Variants in MCU observed in about 807,000 individuals in gnomAD.
MCU encodes the protein mitochondrial calcium uniporter.
A neutral mutation model predicts 45.2 loss-of-function variants in MCU; 12 were observed. That is an observed-to-expected ratio of 0.27 (90% confidence interval 0.17 to 0.43). MCU has a LOEUF of 0.43. Among genes scored for constraint, MCU ranks in the 20% least tolerant of loss-of-function variants. The pLI, the probability that MCU is intolerant of heterozygous loss-of-function variation, is 1.00. For synonymous variants in MCU, 160 were observed against 165.1 expected (o/e 0.97, Z 0.24); for missense variants, 324 against 436.7 (o/e 0.74, Z 2.30).
chr10:72,759,992 G>C (rs190863503), intron 1 of MCU, among the ~76,000 whole-genome samples: 1 of 152,182 alleles, frequency 6.6e-6, no homozygotes, highest in East Asian at 1.9e-4. Flanking sequence ...TTGACAGCCT[G>C]AGCAGACTGA....
rs527849863 is a variant in MCU, at chr10:72,738,258, C to A, written c.150+45957C>A. Among the ~76,000 whole-genome samples the A allele has an allele frequency of 1.1e-3, 162 of 152,246 alleles. 1 individual carries two copies. Among genetic ancestry groups the A allele is most frequent in the African/African-American group, 3.7e-3 (155 of 41,546 alleles). ...CCTGGGGGCTCTGAGAAATTGCTCCCACTCTTTCTTCCTTACTTATATGTC... is the reference window on the plus strand; with the variant it reads ...CCTGGGGGCTCTGAGAAATTGCTCCAACTCTTTCTTCCTTACTTATATGTC... On this transcript the variant is annotated intron_variant, in intron 1 of 7. Transcript: ENST00000373053.
intron 1 of MCU, among the ~76,000 whole-genome samples, chr10:72,779,844 A>C (rs183064120): frequency 1.0e-3 from 157 of 152,360 alleles, no homozygotes; most frequent in Middle Eastern, 3.4e-3. Flanking sequence ...GTAAAATGGT[A>C]CAGCTACTTA....
At chr10:72,760,048 AT>A (rs34146931) in intron 1 of MCU, among the ~76,000 whole-genome samples, 102,053 of 146,714 alleles carry the variant, frequency 0.7, 36,386 homozygotes, top group African/African-American at 0.82. Flanking sequence ...AAAACTTTAA[AT>A]TTTTTTTTTT....
intron 1 of MCU, among the ~76,000 whole-genome samples, chr10:72,739,802 G>A (rs1291432486): frequency 2.0e-5 from 3 of 150,768 alleles, no homozygotes; most frequent in Non-Finnish European, 4.4e-5. Context: ...TTAGCCTCCC[G>A]AGTAGCTGGG....
In MCU at chr10:72,774,278, A is replaced by G. The variant is rs761759369; in HGVS notation, c.151-60081A>G. 2.6e-5 allele frequency among the ~76,000 whole-genome samples: 4 copies of G among 152,182 alleles called. No homozygotes were observed. The South Asian group carries it at 8.3e-4, about 32-fold the overall frequency. Reference sequence around the variant, plus strand: ...AATGTGGAGGAGATGGAGTTAAAGCATAGAATTCTTTTTTTGTTTTACCTT... The same window carrying G: ...AATGTGGAGGAGATGGAGTTAAAGCGTAGAATTCTTTTTTTGTTTTACCTT... On this transcript the variant is annotated intron_variant, in intron 1 of 7. Coordinates refer to ENST00000373053, the MANE Select transcript of MCU (RefSeq NM_138357.3).
intron 2 of MCU, among the ~76,000 whole-genome samples, chr10:72,843,537 A>G (rs114994370): frequency 1.3e-5 from 2 of 152,232 alleles, no homozygotes; most frequent in African/African-American, 4.8e-5. Context: ...GTGTACCACA[A>G]TTTGTCCACT....
In MCU at chr10:72,885,799, C is replaced by G; in HGVS notation, c.1033C>G (p.Arg345Gly). ...RDPLQVHLPL[R>G]QIGEKD The stretch of plus-strand genomic sequence containing the variant: ...CCCATTACAAGTACATCTGCCTCTC[C>G]GACAAATTGGTGAAAAAGATTGATC... The change falls in exon 8 of 8, where the codon CGA (arginine) becomes GGA (glycine). Residue 345 changes from arginine (R) to glycine (G), a missense_variant. Coordinates refer to ENST00000373053, the MANE Select transcript of MCU (RefSeq NM_138357.3). 6.2e-7 allele frequency: 1 copy of G among 1,613,552 alleles called. No individual in the cohort carries two copies. The highest frequency in any genetic ancestry group is 8.5e-7 in the Non-Finnish European group (1 of 1,179,642).
intron 1 of MCU, among the ~76,000 whole-genome samples, chr10:72,716,569 A>G (rs897104779): frequency 6.6e-6 from 1 of 151,882 alleles, no homozygotes; most frequent in African/African-American, 2.4e-5. Flanking sequence ...GTAGGATGTT[A>G]TTACTATTAT....
intron 1 of MCU, among the ~76,000 whole-genome samples, chr10:72,798,290 A>ATTTG (rs960339796): frequency 2.6e-5 from 4 of 151,908 alleles, no homozygotes; most frequent in Non-Finnish European, 2.9e-5. Context: ...GGTGCCCACT[A>ATTTG]TTTGTTTGTT....
chr10:72,856,334 T>G (rs1293558905), intron 2 of MCU, among the ~76,000 whole-genome samples: 1 of 152,218 alleles, frequency 6.6e-6, no homozygotes, highest in East Asian at 1.9e-4. Flanking sequence ...AGATTTCCAT[T>G]TTAAGTAAGA....
rs7093527 is a variant in MCU at position 72,777,461 on chromosome 10, C to T, written c.151-56898C>T. Among the ~76,000 whole-genome samples the T allele has an allele frequency of 6.5e-3, 990 of 152,228 alleles. 9 individuals are homozygous for T. The highest frequency in any genetic ancestry group is 0.023 in the African/African-American group (947 of 41,524). ...TACAATGGGGAAAGGACAGTCTTTC[C>T]AATAAATGGTACTGTGAAAACTAGA... On this transcript the variant is annotated intron_variant, in intron 1 of 7. Transcript: ENST00000373053.
intron 2 of MCU, among the ~76,000 whole-genome samples, chr10:72,856,470 G>A (rs1028272331): frequency 2.6e-5 from 4 of 152,040 alleles, no homozygotes; most frequent in African/African-American, 7.2e-5. Flanking sequence ...GAATAGACAA[G>A]GAAATAAGAT....
chr10:72,862,631 G>A (rs1235785850), intron 4 of MCU, among the ~76,000 whole-genome samples: 1 of 152,176 alleles, frequency 6.6e-6, no homozygotes, highest in Non-Finnish European at 1.5e-5. Context: ...GTGGAGCTCA[G>A]GCAGTAATGC....
intron 6 of MCU, among the ~76,000 whole-genome samples, chr10:72,874,174 G>A (rs1053886823): frequency 3.3e-5 from 5 of 152,170 alleles, no homozygotes; most frequent in African/African-American, 9.7e-5. Flanking sequence ...CATCAAATGT[G>A]TACATGGTTC....
chr10:72,880,553 A>G (rs1412099761), intron 6 of MCU, among the ~76,000 whole-genome samples: 2 of 152,226 alleles, frequency 1.3e-5, no homozygotes, highest in Admixed American at 1.3e-4. Flanking sequence ...GTTCTACTCA[A>G]CTGATCCATT....
intron 1 of MCU, among the ~76,000 whole-genome samples, chr10:72,754,539 C>T (rs934523324): frequency 6.6e-6 from 1 of 152,032 alleles, no homozygotes; most frequent in Non-Finnish European, 1.5e-5. Flanking sequence ...TTACTTGAGC[C>T]CAGGAGTTTG....
chr10:72,876,440 TA>T (rs1845617230), intron 6 of MCU, among the ~76,000 whole-genome samples: 1 of 152,212 alleles, frequency 6.6e-6, no homozygotes, highest in South Asian at 2.1e-4. Flanking sequence ...ATGTACTCTA[TA>T]AACTCCTAAT....
At chr10:72,735,435 G>A (rs1297721076) in intron 1 of MCU, among the ~76,000 whole-genome samples, 1 of 152,090 alleles carries the variant, frequency 6.6e-6, no homozygotes, top group East Asian at 1.9e-4. Flanking sequence ...AAAATACCTG[G>A]AGGGTTTCAC....
chr10:72,779,084 C>T (rs1843946983), intron 1 of MCU, among the ~76,000 whole-genome samples: 2 of 152,150 alleles, frequency 1.3e-5, no homozygotes, highest in Admixed American at 1.3e-4. Flanking sequence ...ATTCCTCTGC[C>T]TCAGCCTCCC....
Sources: allele counts gnomAD v4.1 joint callset (sites outside exome capture counted in the v4.1 genomes callset), GRCh38; gene constraint gnomAD v4.1.1; transcripts MANE v1.5; gene names NCBI Gene and HGNC (gene_info 2026-07-23, HGNC 2026-07-21).